The following DCDC1 variants were observed in gnomAD, a reference collection of about 807,000 sequenced individuals.
The protein encoded by DCDC1 is doublecortin domain containing 1.
In DCDC1, 200 loss-of-function variants were observed where a neutral mutation model predicts 178.3. That is an observed-to-expected ratio of 1.12 (90% CI 1.00 to 1.26). The LOEUF is 1.26. DCDC1 is among the 50% of genes most tolerant of loss of function. The probability of loss-of-function intolerance (pLI) is 0.00; values close to 1 mark genes in which losing one functional copy is unlikely to be tolerated. For synonymous variants in DCDC1, 690 were observed against 604.8 expected (o/e 1.14, Z -2.07); for missense variants, 1,983 against 1,749.2 (o/e 1.13, Z -2.38).
intron 1 of DCDC1, among the ~76,000 whole-genome samples, chr11:31,340,543 A>G (rs1231635321): frequency 6.6e-6 from 1 of 152,192 alleles, no homozygotes; most frequent in Non-Finnish European, 1.5e-5. Context: ...TTGATCAACC[A>G]TTGTTCTGGG....
At chr11:31,305,489 T>C (rs1048893333) in intron 6 of DCDC1, 126 bp downstream of exon 6, 4 of 1,238,100 alleles carry the variant, frequency 3.2e-6, no homozygotes, top group Admixed American at 2.6e-5. Context: ...CTTACTGAGC[T>C]GTAAATGCGT....
At chr11:31,210,373 C>T (rs182796873) in intron 9 of DCDC1, among the ~76,000 whole-genome samples, 93 of 152,264 alleles carry the variant, frequency 6.1e-4, no homozygotes, top group Middle Eastern at 3.4e-3. Context: ...GACTGAATGA[C>T]TAATAGCATT....
chr11:31,210,030 T>G (rs1972307296), intron 9 of DCDC1, among the ~76,000 whole-genome samples: 1 of 152,186 alleles, frequency 6.6e-6, no homozygotes, highest in Admixed American at 6.5e-5. Context: ...CAAACATGCA[T>G]GTCTACCAGT....
chr11:31,233,653 T>C (rs1416683784), intron 9 of DCDC1, among the ~76,000 whole-genome samples: 5 of 152,084 alleles, frequency 3.3e-5, no homozygotes, highest in African/African-American at 9.7e-5. Context: ...GGCAAACAGA[T>C]TGTGAACTAT....
intron 26 of DCDC1, among the ~76,000 whole-genome samples, chr11:30,916,102 G>T (rs886161620): frequency 6.6e-6 from 1 of 152,130 alleles, no homozygotes; most frequent in African/African-American, 2.4e-5. Context: ...TTCAAACTAT[G>T]ATTGTTTCTT....
chr11:31,210,388 G>A (rs1972353918), intron 9 of DCDC1, among the ~76,000 whole-genome samples: 1 of 152,166 alleles, frequency 6.6e-6, no homozygotes, highest in African/African-American at 2.4e-5. Context: ...AGCATTTATA[G>A]CTAGCATTTA....
chr11:30,906,071 T>C (rs1945040805), intron 30 of DCDC1, among the ~76,000 whole-genome samples: 1 of 152,216 alleles, frequency 6.6e-6, no homozygotes, highest in African/African-American at 2.4e-5. Flanking sequence ...TTTTTTGTTG[T>C]TGTTCCTCCG....
At chr11:30,921,524 A>G (rs1590370286) in intron 24 of DCDC1, among the ~76,000 whole-genome samples, 2 of 152,164 alleles carry the variant, frequency 1.3e-5, no homozygotes, top group South Asian at 4.1e-4. Flanking sequence ...CGTGGAAGTC[A>G]GGATGACACA....
intron 20 of DCDC1, among the ~76,000 whole-genome samples, chr11:30,978,827 C>CACACACACACACACACA (rs1554991411): frequency 7.1e-6 from 1 of 140,540 alleles, no homozygotes; most frequent in Non-Finnish European, 1.5e-5. Flanking sequence ...CACACACACA[C>CACACACACACACACACA]CCCCTTCTCA....
At chr11:30,977,074 AG>A (rs1412022902) in intron 20 of DCDC1, among the ~76,000 whole-genome samples, 1 of 152,222 alleles carries the variant, frequency 6.6e-6, no homozygotes, top group Non-Finnish European at 1.5e-5. Flanking sequence ...GGAATAAGCC[AG>A]GAACAGAAAG....
At chr11:30,944,228 C>A in intron 21 of DCDC1, 1 of 442,748 alleles carries the variant, frequency 2.3e-6, no homozygotes, top group Non-Finnish European at 4.5e-6. Flanking sequence ...TCAACTCTGT[C>A]TCCTTCCTTT....
At chr11:30,892,786 C>G (rs764935024) in intron 36 of DCDC1, 32 bp downstream of exon 36, 3 of 1,611,988 alleles carry the variant, frequency 1.9e-6, no homozygotes, top group South Asian at 2.2e-5. Flanking sequence ...CAAACTCAGG[C>G]CTATGAAACA....
At position 30,898,276 on chromosome 11, in the gene DCDC1, A is replaced by T. The variant is rs554508342; in HGVS notation, c.4765+1265T>A. Among the ~76,000 whole-genome samples, 40 of 152,326 alleles carry T rather than the reference A, an allele frequency of 2.6e-4. No individual in the cohort carries two copies. The South Asian group carries it at 3.3e-3, about 13-fold the overall frequency. On this transcript the variant is annotated intron_variant, in intron 34 of 38. Coordinates refer to ENST00000684477, the MANE Select transcript of DCDC1 (RefSeq NM_001387274.1). ...TTTGTATGATAACTTCAACTTCAGA[A>T]TGTCACCATTATTTCTAGAATGGAA... is the stretch of plus-strand genomic sequence containing the variant.
intron 11 of DCDC1, among the ~76,000 whole-genome samples, chr11:31,117,715 A>C (rs894020690): frequency 6.6e-6 from 1 of 151,730 alleles, no homozygotes; most frequent in African/African-American, 2.4e-5. Flanking sequence ...CAAAAAAAAA[A>C]CAAAAAATCA....
chr11:31,143,275 G>A (rs1964061347), intron 9 of DCDC1, among the ~76,000 whole-genome samples: 1 of 152,020 alleles, frequency 6.6e-6, no homozygotes, highest in Non-Finnish European at 1.5e-5. Flanking sequence ...GTAATACGGG[G>A]CATTATTAAT....
intron 9 of DCDC1, among the ~76,000 whole-genome samples, chr11:31,168,825 T>C (rs1966872239): frequency 6.6e-6 from 1 of 152,232 alleles, no homozygotes; most frequent in African/African-American, 2.4e-5. Context: ...CTGCCTGTTA[T>C]ATAATCAGCA....
intron 38 of DCDC1, among the ~76,000 whole-genome samples, chr11:30,866,515 C>G (rs1019722254): frequency 6.6e-6 from 1 of 152,116 alleles, no homozygotes; most frequent in African/African-American, 2.4e-5. Context: ...GGTCCCAGCT[C>G]TTACTACTAT....
chr11:31,182,018 A>AT (rs1187349432), intron 9 of DCDC1, among the ~76,000 whole-genome samples: 2 of 152,234 alleles, frequency 1.3e-5, no homozygotes, highest in Admixed American at 1.3e-4. Context: ...TTAATGAAAT[A>AT]AAGTGTGAAA....
chr11:30,903,554 T>C lies in DCDC1; in HGVS notation c.4438A>G (p.Arg1480Gly), dbSNP rs1317883826. Reference protein sequence around the residue: ...LWALDESFLQRDSEKQKQDAA... With the variant: ...LWALDESFLQGDSEKQKQDAA... The stretch of plus-strand genomic sequence containing the variant: ...TCTTGCTTTTGTTTCTCAGAGTCTC[T>C]CTGGAGAAAGGATTCATCTAGAGCC... Residue 1480 changes from arginine to glycine, a missense_variant, in exon 32 of 39, where the codon AGA (arginine) becomes GGA (glycine). Coordinates refer to ENST00000684477, the MANE Select transcript of DCDC1 (RefSeq NM_001387274.1). The C allele has an allele frequency of 6.2e-7, 1 of 1,607,926 alleles. No individual in the cohort carries two copies. Among genetic ancestry groups the C allele is most frequent in the South Asian group, 1.1e-5 (1 of 89,672 alleles).
Sources: gnomAD v4.1 joint callset for allele counts (sites outside exome capture counted in the v4.1 genomes callset) on GRCh38, gnomAD v4.1.1 for gene constraint, MANE v1.5 for transcripts, NCBI Gene and HGNC (gene_info 2026-07-23, HGNC 2026-07-21) for gene names.